The following PARN variants were observed in gnomAD, a reference collection of about 807,000 sequenced individuals.
PARN encodes poly(A)-specific ribonuclease.
A neutral mutation model predicts 102.8 loss-of-function variants in PARN; 71 were observed. The ratio of observed to expected loss-of-function variants is 0.69; its 90% CI spans 0.57 to 0.84. PARN has a LOEUF of 0.84. Ranked by LOEUF, PARN falls within the 40% of genes least tolerant of loss-of-function variation. The probability of loss-of-function intolerance (pLI) is 0.00; values close to 1 mark genes in which losing one functional copy is unlikely to be tolerated. For missense variants in PARN, 782 were observed against 760.9 expected, an observed-to-expected ratio of 1.03 and a Z score of -0.33; for synonymous variants, 261 against 252.9, an observed-to-expected ratio of 1.03 and a Z score of -0.30.
In PARN at chr16:14,436,685, A is replaced by G. The variant is rs528531101; in HGVS notation, c.*32T>C. ...CCAGCCGGCTCTTGCTCACAGCGAC[A>G]GCACCAGCGGTTTGCTGCCCTCAGG... is the stretch of plus-strand genomic sequence containing the variant. On this transcript the variant is annotated 3_prime_UTR_variant, in exon 24 of 24. Coordinates refer to ENST00000437198, the MANE Select transcript of PARN (RefSeq NM_002582.4). 7 of 1,534,686 alleles carry G rather than the reference A, an allele frequency of 4.6e-6. No individual in the cohort carries two copies. Among genetic ancestry groups the G allele is most frequent in the Non-Finnish European group, 5.4e-6 (6 of 1,119,384 alleles).
At chr16:14,468,958 AAAAC>A (rs763236298) in intron 22 of PARN, among the ~76,000 whole-genome samples, 21 of 152,104 alleles carry the variant, frequency 1.4e-4, no homozygotes, top group South Asian at 4.1e-4. Context: ...TTGAAACACT[AAAAC>A]AAACAAACAA....
At chr16:14,597,495 G>A (rs558884550) in intron 12 of PARN, among the ~76,000 whole-genome samples, 3 of 152,214 alleles carry the variant, frequency 2.0e-5, no homozygotes, top group East Asian at 1.9e-4. Flanking sequence ...AGGAGACCGA[G>A]ACCATCCTGG....
At chr16:14,596,753 T>C (rs1970539790) in intron 12 of PARN, among the ~76,000 whole-genome samples, 2 of 150,226 alleles carry the variant, frequency 1.3e-5, no homozygotes, top group Admixed American at 1.3e-4. Flanking sequence ...AATAAATACA[T>C]AAATAAACAG....
At chr16:14,582,412 C>T (rs1337706042) in intron 16 of PARN, 121 bp from the exon 17 acceptor site, 3 of 682,616 alleles carry the variant, frequency 4.4e-6, no homozygotes, top group Non-Finnish European at 7.9e-6. Flanking sequence ...AAAAAGCTAT[C>T]TATTCCTTAA....
intron 21 of PARN, among the ~76,000 whole-genome samples, chr16:14,507,663 T>C (rs1344953167): frequency 6.6e-6 from 1 of 151,962 alleles, no homozygotes; most frequent in Non-Finnish European, 1.5e-5. Context: ...CACTCCAGCC[T>C]GGGTGACAGG....
chr16:14,488,862 C>T (rs376873159), intron 21 of PARN, among the ~76,000 whole-genome samples: 3 of 147,998 alleles, frequency 2.0e-5, no homozygotes, highest in Admixed American at 6.7e-5. Flanking sequence ...GAGATCAATA[C>T]AATAGTTTCC....
intron 1 of PARN, 37 bp from the exon 2 acceptor site, chr16:14,629,711 C>T: frequency 1.4e-6 from 2 of 1,455,848 alleles, no homozygotes; most frequent in Non-Finnish European, 1.9e-6. Flanking sequence ...GAACCAGTGG[C>T]CTGAATTCCT....
chr16:14,567,002 C>A (rs368827818), intron 18 of PARN, among the ~76,000 whole-genome samples: 1 of 152,206 alleles, frequency 6.6e-6, no homozygotes. Context: ...TCTTAAAAAA[C>A]CAGACTCAAG....
At chr16:14,468,921 A>AGATAGATAGATAGATG (rs1962543069) in intron 22 of PARN, among the ~76,000 whole-genome samples, 1 of 151,772 alleles carries the variant, frequency 6.6e-6, no homozygotes, top group Non-Finnish European at 1.5e-5. Flanking sequence ...ATAGATAGAT[A>AGATAGATAGATAGATG]GATAAAATAA....
At chr16:14,502,930 A>C (rs1456918213) in intron 21 of PARN, among the ~76,000 whole-genome samples, 1 of 152,200 alleles carries the variant, frequency 6.6e-6, no homozygotes, top group East Asian at 1.9e-4. Context: ...AGGGAGGAAA[A>C]ATTAAATAAT....
At chr16:14,570,423 C>T (rs555555789) in intron 18 of PARN, among the ~76,000 whole-genome samples, 107 of 144,078 alleles carry the variant, frequency 7.4e-4, no homozygotes, top group African/African-American at 2.5e-3. Context: ...GAGACCGAGG[C>T]GGCGGATCAT....
chr16:14,465,421 G>C (rs955849422), intron 22 of PARN, among the ~76,000 whole-genome samples: 1 of 152,038 alleles, frequency 6.6e-6, no homozygotes, highest in Non-Finnish European at 1.5e-5. Flanking sequence ...GAAAATCACC[G>C]ACTAAATAAG....
chr16:14,473,482 T>G (rs1438927028), intron 22 of PARN, among the ~76,000 whole-genome samples: 2 of 152,170 alleles, frequency 1.3e-5, no homozygotes, highest in African/African-American at 4.8e-5. Context: ...AAGCAAATTG[T>G]AAAAATATAA....
At chr16:14,508,653 T>G (rs1965024754) in intron 21 of PARN, among the ~76,000 whole-genome samples, 1 of 151,780 alleles carries the variant, frequency 6.6e-6, no homozygotes, top group Non-Finnish European at 1.5e-5. Flanking sequence ...CTATAATTTC[T>G]GAATGTATGC....
intron 5 of PARN, among the ~76,000 whole-genome samples, chr16:14,620,494 T>A (rs1325665297): frequency 1.3e-5 from 2 of 152,254 alleles, no homozygotes; most frequent in Non-Finnish European, 2.9e-5. Context: ...TTACTGTAGC[T>A]ACTCTAATTT....
intron 21 of PARN, among the ~76,000 whole-genome samples, chr16:14,495,084 C>T (rs1011360087): frequency 1.3e-5 from 2 of 152,088 alleles, no homozygotes; most frequent in East Asian, 1.9e-4. Flanking sequence ...TTAGGAGCAC[C>T]GGCCTTTAAT....
intron 22 of PARN, among the ~76,000 whole-genome samples, chr16:14,466,299 G>A (rs1231796058): frequency 6.6e-6 from 1 of 152,102 alleles, no homozygotes; most frequent in East Asian, 1.9e-4. Flanking sequence ...GTACTATTTG[G>A]CTTTTAAAGA....
In PARN at chr16:14,435,764, T is replaced by C. The variant is rs987635115; in HGVS notation, c.*953A>G. The stretch of plus-strand genomic sequence containing the variant: ...ACATTTTTCATTTTTATTTCCACCA[T>C]ACAAAAATGTGAAATATCTAACAAT... On this transcript the variant is annotated 3_prime_UTR_variant, in exon 24 of 24. Transcript: ENST00000437198. The C allele has an allele frequency of 1.3e-5, 2 of 152,128 alleles. No individual in the cohort carries two copies. Among genetic ancestry groups the C allele is most frequent in the African/African-American group, 4.8e-5 (2 of 41,428 alleles). The allele number at this position is 152,128 out of a possible 1,614,324, so 9.4% of individuals were successfully genotyped here. A position where few individuals can be genotyped will look rare whatever the true frequency, so the allele number is the denominator to read the frequency against.
At chr16:14,479,078 T>G (rs1385817321) in intron 22 of PARN, among the ~76,000 whole-genome samples, 1 of 152,152 alleles carries the variant, frequency 6.6e-6, no homozygotes, top group Non-Finnish European at 1.5e-5. Flanking sequence ...CAACAATGAA[T>G]TGTATTTCTA....
Sources: allele counts gnomAD v4.1 joint callset (sites outside exome capture counted in the v4.1 genomes callset), GRCh38; gene constraint gnomAD v4.1.1; transcripts MANE v1.5; gene names NCBI Gene and HGNC (gene_info 2026-07-23, HGNC 2026-07-21).